The following STS variants were observed in gnomAD, a reference collection of about 807,000 sequenced individuals.
The protein encoded by STS is steroid sulfatase.
Under a neutral mutation model 26.8 loss-of-function variants are expected in STS, and 7 were observed. That is an observed-to-expected ratio of 0.26 (90% CI 0.15 to 0.49). The LOEUF (loss-of-function observed/expected upper bound fraction) is 0.49. STS is among the 20% of genes least tolerant of loss of function. The probability of loss-of-function intolerance (pLI) is 0.98; values close to 1 mark genes in which losing one functional copy is unlikely to be tolerated. For synonymous variants in STS, 199 were observed against 189.4 expected (o/e 1.05, Z -0.42); for missense variants, 434 against 465.6 (o/e 0.93, Z 0.63).
intron 7 of STS, among the ~76,000 whole-genome samples, chrX:7,283,170 T>C (rs1924958787): frequency 8.9e-6 from 1 of 111,998 alleles, no homozygotes; most frequent in Non-Finnish European, 1.9e-5. Flanking sequence ...TTTTGATCAA[T>C]GCAACCCTCT....
intron 2 of STS, among the ~76,000 whole-genome samples, chrX:7,204,373 A>G (rs771469802): frequency 9.0e-6 from 1 of 111,310 alleles, no homozygotes; most frequent in African/African-American, 3.3e-5. Flanking sequence ...AACATTTTCC[A>G]TATTTGTATT....
chrX:7,159,305 T>G lies in STS; in HGVS notation c.-134+11222T>G, dbSNP rs7881052. 9.6e-4 allele frequency among the ~76,000 whole-genome samples: 106 copies of G among 109,998 alleles called. 2 individuals carry two copies. In the South Asian group the frequency reaches 0.041, roughly 43 times the overall value. On this transcript the variant is annotated intron_variant, in intron 1 of 10. Transcript: ENST00000674429. Reference sequence around the variant, plus strand: ...ACACCTCCCTGCTGAGTGGTAGCCCTGCTCATTGCCCAACCCTGTGGTATT... The same window carrying G: ...ACACCTCCCTGCTGAGTGGTAGCCCGGCTCATTGCCCAACCCTGTGGTATT...
chrX:7,344,823 C>T (rs897220685), intron 10 of STS, among the ~76,000 whole-genome samples: 5 of 111,348 alleles, frequency 4.5e-5, no homozygotes, highest in African/African-American at 6.5e-5. Flanking sequence ...CTATCATGCG[C>T]GCAGTGTCTT....
At chrX:7,288,639 CGTGTGT>C (rs58375124) in intron 7 of STS, among the ~76,000 whole-genome samples, 2,849 of 89,336 alleles carry the variant, frequency 0.032, 46 homozygotes, top group African/African-American at 0.051. Flanking sequence ...AAATTCTGTA[CGTGTGT>C]GTGTGTGTGT....
At chrX:7,261,148 A>T (rs1281549407) in intron 6 of STS, among the ~76,000 whole-genome samples, 1 of 112,044 alleles carries the variant, frequency 8.9e-6, no homozygotes, top group African/African-American at 3.2e-5. Context: ...AACTGTGGAG[A>T]ACAGGACTCT....
At chrX:7,221,831 A>G in intron 2 of STS, among the ~76,000 whole-genome samples, 1 of 112,374 alleles carries the variant, frequency 8.9e-6, no homozygotes, top group Non-Finnish European at 1.9e-5. Context: ...TATACACAGC[A>G]TACTCTCTGG....
intron 2 of STS, among the ~76,000 whole-genome samples, chrX:7,206,293 T>C (rs1402653323): frequency 8.9e-6 from 1 of 112,474 alleles, no homozygotes; most frequent in African/African-American, 3.2e-5. Context: ...TTCTCTCCTG[T>C]TATCAATCAC....
intron 8 of STS, among the ~76,000 whole-genome samples, chrX:7,312,381 T>C (rs1028751984): frequency 8.9e-6 from 1 of 112,053 alleles, no homozygotes. Flanking sequence ...CCTTCTCCCA[T>C]GGAAGCTGGA....
intron 2 of STS, among the ~76,000 whole-genome samples, chrX:7,230,005 A>C (rs1224358789): frequency 9.0e-6 from 1 of 110,550 alleles, no homozygotes; most frequent in Non-Finnish European, 1.9e-5. Flanking sequence ...CAGCCTTCTG[A>C]GTAGCTGGGA....
At chrX:7,314,301 G>C (rs757544494) in intron 8 of STS, among the ~76,000 whole-genome samples, 24 of 111,498 alleles carry the variant, frequency 2.2e-4, no homozygotes, top group African/African-American at 7.2e-4. Context: ...AGGCTGCAGT[G>C]AGACTTGATT....
chrX:7,225,749 C>G (rs1921775056), intron 2 of STS, among the ~76,000 whole-genome samples: 1 of 111,939 alleles, frequency 8.9e-6, no homozygotes, highest in Non-Finnish European at 1.9e-5. Flanking sequence ...CAACCAAGAG[C>G]ACATGTTACA....
chrX:7,246,953 T>C (rs1922913050), intron 2 of STS, among the ~76,000 whole-genome samples: 1 of 113,125 alleles, frequency 8.8e-6, no homozygotes, highest in Non-Finnish European at 1.9e-5. Context: ...TGTCATAAAT[T>C]ATAAATAAGA....
chrX:7,219,596 A>G (rs1921459644), intron 2 of STS: 9 of 1,210,576 alleles, frequency 7.4e-6, no homozygotes, highest in East Asian at 3.0e-5. Flanking sequence ...TGCAGAAACC[A>G]TGAACAGAGG....
rs897195359 is a variant in STS, at chrX:7,176,846, G to A, written c.-133-14034G>A. Among the ~76,000 whole-genome samples the A allele has an allele frequency of 3.7e-4, 41 of 111,570 alleles. 1 individual carries two copies. Among genetic ancestry groups the A allele is most frequent in the African/African-American group, 1.2e-3 (37 of 30,743 alleles). ...TTATGGGAACTATAATTCAAGATGAGATTTGGGTGGGGACACAGCCAAACC... is the reference window on the plus strand; with the variant it reads ...TTATGGGAACTATAATTCAAGATGAAATTTGGGTGGGGACACAGCCAAACC... On this transcript the variant is annotated intron_variant, in intron 1 of 10. Coordinates refer to ENST00000674429, the MANE Select transcript of STS (RefSeq NM_001320752.2).
chrX:7,345,985 A>G (rs1483958585), intron 10 of STS, among the ~76,000 whole-genome samples: 1 of 111,859 alleles, frequency 8.9e-6, no homozygotes, highest in Non-Finnish European at 1.9e-5. Context: ...ATACGAAGTA[A>G]TAGAAATCAC....
At chrX:7,200,075 T>C (rs1307807582) in intron 2 of STS, among the ~76,000 whole-genome samples, 1 of 107,725 alleles carries the variant, frequency 9.3e-6, no homozygotes, top group African/African-American at 3.4e-5. Context: ...TTTTTTTTAA[T>C]AATACTGTTG....
chrX:7,151,860 C>T (rs1262542333), intron 1 of STS, among the ~76,000 whole-genome samples: 1 of 111,798 alleles, frequency 8.9e-6, no homozygotes, highest in Non-Finnish European at 1.9e-5. Context: ...ACCAGGGCAT[C>T]CAATGGTCTA....
At chrX:7,346,492 A>C (rs1433576427) in intron 10 of STS, among the ~76,000 whole-genome samples, 1 of 107,490 alleles carries the variant, frequency 9.3e-6, no homozygotes, top group Non-Finnish European at 1.9e-5. Flanking sequence ...TGTCCACTTT[A>C]ATTTCCCTGC....
chrX:7,205,046 C>G (rs1206022478), intron 2 of STS, among the ~76,000 whole-genome samples: 2 of 111,841 alleles, frequency 1.8e-5, no homozygotes, highest in African/African-American at 3.3e-5. Context: ...TTGTTGTACA[C>G]ACACTGGTGG....
Sources: gnomAD v4.1 joint callset for allele counts (sites outside exome capture counted in the v4.1 genomes callset) on GRCh38, gnomAD v4.1.1 for gene constraint, MANE v1.5 for transcripts, NCBI Gene and HGNC (gene_info 2026-07-23, HGNC 2026-07-21) for gene names.